ATXN8OS: variants seen among roughly 807,000 people sequenced by gnomAD.
The protein encoded by ATXN8OS is ATXN8 opposite strand lncRNA.
intron 2 of ATXN8OS, among the ~76,000 whole-genome samples, chr13:70,127,475 T>C (rs1221368629): frequency 6.6e-6 from 1 of 152,020 alleles, no homozygotes; most frequent in Non-Finnish European, 1.5e-5. Context: ...TAAACTAACA[T>C]AGAGAGGTAT....
At chr13:70,117,397 A>C (rs541778366) in intron 2 of ATXN8OS, among the ~76,000 whole-genome samples, 30 of 152,196 alleles carry the variant, frequency 2.0e-4, no homozygotes, top group Non-Finnish European at 3.2e-4. Flanking sequence ...TTCCTGGTGC[A>C]TTTCAAATTT....
rs187703966 is a variant in ATXN8OS at position 70,140,328 on chromosome 13, G to T, written n.500-7027G>T. 1.7e-4 allele frequency among the ~76,000 whole-genome samples: 26 copies of T among 152,078 alleles called. No individual in the cohort carries two copies. In the East Asian group the frequency reaches 4.6e-3, roughly 27 times the overall value. Reference sequence around the variant, plus strand: ...GGAGTAAGTATTCGATAAATTTGAAGAATTTATTTTTATTCATGTAATAAC... The same window carrying T: ...GGAGTAAGTATTCGATAAATTTGAATAATTTATTTTTATTCATGTAATAAC... On this transcript the variant is annotated intron_variant and non_coding_transcript_variant, in intron 3 of 4. Transcript: ENST00000678624.
At chr13:70,137,125 T>C (rs1888629304) in intron 3 of ATXN8OS, among the ~76,000 whole-genome samples, 1 of 152,224 alleles carries the variant, frequency 6.6e-6, no homozygotes, top group African/African-American at 2.4e-5. Flanking sequence ...GAACTTTTCT[T>C]ACATAATAGC....
intron 3 of ATXN8OS, among the ~76,000 whole-genome samples, chr13:70,136,187 G>T (rs971424330): frequency 6.6e-6 from 1 of 152,148 alleles, no homozygotes; most frequent in Admixed American, 6.6e-5. Flanking sequence ...TATGTAATTG[G>T]TAGAAATCTG....
At chr13:70,125,741 T>TATCA (rs1888423782) in intron 2 of ATXN8OS, among the ~76,000 whole-genome samples, 1 of 152,196 alleles carries the variant, frequency 6.6e-6, no homozygotes, top group Non-Finnish European at 1.5e-5. Flanking sequence ...CTTGCATCTC[T>TATCA]ATCAATCAGT....
At chr13:70,107,848 C>G (rs544464374) in exon 1 of ATXN8OS, 4 of 619,226 alleles carry the variant, frequency 6.5e-6, no homozygotes, top group Admixed American at 7.2e-5. Context: ...GTGGGCTGCG[C>G]GCTCTGCCAG....
chr13:70,170,168 A>C (rs1221194044), exon 5 of ATXN8OS, among the ~76,000 whole-genome samples: 1 of 152,066 alleles, frequency 6.6e-6, no homozygotes, highest in Non-Finnish European at 1.5e-5. Context: ...GATTAACAGA[A>C]TATTTTGTTT....
At chr13:70,117,125 G>A (rs767381110) in intron 2 of ATXN8OS, among the ~76,000 whole-genome samples, 8 of 151,824 alleles carry the variant, frequency 5.3e-5, no homozygotes, top group Non-Finnish European at 8.8e-5. Flanking sequence ...CCTAATTTAC[G>A]GCATAAGGAC....
intron 2 of ATXN8OS, among the ~76,000 whole-genome samples, chr13:70,129,014 C>T (rs1435176778): frequency 6.6e-6 from 1 of 152,200 alleles, no homozygotes; most frequent in East Asian, 1.9e-4. Flanking sequence ...GCATGCACCA[C>T]CACGCCCAGC....
chr13:70,169,709 T>C (rs1889122807), intron 4 of ATXN8OS, among the ~76,000 whole-genome samples: 1 of 152,126 alleles, frequency 6.6e-6, no homozygotes, highest in Admixed American at 6.6e-5. Context: ...ATCTGTTGAA[T>C]GCATACTCCT....
intron 4 of ATXN8OS, among the ~76,000 whole-genome samples, chr13:70,163,649 C>T (rs938311324): frequency 6.6e-6 from 1 of 151,902 alleles, no homozygotes; most frequent in Non-Finnish European, 1.5e-5. Context: ...CTTAAAAAGT[C>T]ATTAAAACCT....
chr13:70,166,050 A>C (rs1240909746), intron 4 of ATXN8OS, among the ~76,000 whole-genome samples: 2 of 152,116 alleles, frequency 1.3e-5, no homozygotes, highest in African/African-American at 4.8e-5. Flanking sequence ...ATAGAAAATG[A>C]GTGAGATAGA....
chr13:70,139,021 CATAT>C (rs1888657795), intron 3 of ATXN8OS, among the ~76,000 whole-genome samples: 1 of 152,058 alleles, frequency 6.6e-6, no homozygotes, highest in Non-Finnish European at 1.5e-5. Context: ...GTATGAATTG[CATAT>C]ATAGTACTTC....
At chr13:70,112,920 A>ATATTTTT (rs1555298511) in intron 1 of ATXN8OS, among the ~76,000 whole-genome samples, 101 of 87,562 alleles carry the variant, frequency 1.2e-3, no homozygotes, top group Admixed American at 1.4e-3. Context: ...TATATATATA[A>ATATTTTT]TTTTTTTTTT....
chr13:70,167,719 A>ATTT (rs1566622525), intron 4 of ATXN8OS, among the ~76,000 whole-genome samples: 3 of 103,338 alleles, frequency 2.9e-5, no homozygotes, highest in Admixed American at 1.2e-4. Context: ...AACATATGTA[A>ATTT]CTTCTTTTTT....
At position 70,153,099 on chromosome 13, in the gene ATXN8OS, G is replaced by A. The variant is rs189607444; in HGVS notation, n.573+5671G>A. On this transcript the variant is annotated intron_variant and non_coding_transcript_variant, in intron 4 of 4. Coordinates refer to ENST00000678624, the Ensembl canonical transcript of ATXN8OS. ...CGAATGCATAACAGAGATGTAGACCGGGAGAGAAAGAAAAAAAGTACATTT... is the reference window on the plus strand; with the variant it reads ...CGAATGCATAACAGAGATGTAGACCAGGAGAGAAAGAAAAAAAGTACATTT... Among the ~76,000 whole-genome samples the A allele has an allele frequency of 3.3e-4, 50 of 151,650 alleles. 1 individual carries two copies. Among genetic ancestry groups the A allele is most frequent in the East Asian group, 2.5e-3 (13 of 5,144 alleles).
intron 1 of ATXN8OS, among the ~76,000 whole-genome samples, chr13:70,114,474 T>G (rs1888246644): frequency 6.6e-6 from 1 of 152,178 alleles, no homozygotes; most frequent in Non-Finnish European, 1.5e-5. Flanking sequence ...CATAGCCTAC[T>G]TAAGATTTCA....
chr13:70,122,159 C>A (rs1412139123), intron 2 of ATXN8OS, among the ~76,000 whole-genome samples: 1 of 151,946 alleles, frequency 6.6e-6, no homozygotes, highest in Non-Finnish European at 1.5e-5. Flanking sequence ...AGATTTTAAA[C>A]CTATATTGCC....
At chr13:70,146,227 C>A (rs372990075) in intron 3 of ATXN8OS, among the ~76,000 whole-genome samples, 30,103 of 147,690 alleles carry the variant, frequency 0.2, 3,259 homozygotes, top group South Asian at 0.37. Context: ...CCATCTCACA[C>A]CAGTTAGAAT....
Sources: allele counts gnomAD v4.1 joint callset (sites outside exome capture counted in the v4.1 genomes callset), GRCh38; gene constraint gnomAD v4.1.1; transcripts MANE v1.5; gene names NCBI Gene and HGNC (gene_info 2026-07-23, HGNC 2026-07-21).